NAV2: variants seen among roughly 807,000 people sequenced by gnomAD.
NAV2 encodes the protein neuron navigator 2.
Under a neutral mutation model 223.2 loss-of-function variants are expected in NAV2, and 54 were observed. That is an observed-to-expected ratio of 0.24 (90% CI 0.19 to 0.30). NAV2 has a LOEUF of 0.30. Among genes scored for constraint, NAV2 ranks in the 10% least tolerant of loss-of-function variants. The probability of loss-of-function intolerance (pLI) is 1.00; values close to 1 mark genes in which losing one functional copy is unlikely to be tolerated. For synonymous variants in NAV2, 1,279 were observed against 1,239.3 expected, an observed-to-expected ratio of 1.03 and a Z score of -0.67; for missense variants, 2,806 against 3,147.5, an observed-to-expected ratio of 0.89 and a Z score of 2.60.
intron 1 of NAV2, among the ~76,000 whole-genome samples, chr11:19,474,755 A>G (rs1324782647): frequency 6.6e-6 from 1 of 152,244 alleles, no homozygotes; most frequent in Non-Finnish European, 1.5e-5. Context: ...AGTCATCTCC[A>G]GAGAACCGAT....
chr11:19,783,430 A>G (rs898510382), intron 1 of NAV2, among the ~76,000 whole-genome samples: 1 of 152,088 alleles, frequency 6.6e-6, no homozygotes, highest in Non-Finnish European at 1.5e-5. Flanking sequence ...CCATCTCTCC[A>G]TGTTATCACC....
chr11:19,352,534 C>A (rs1456077824), intron 1 of NAV2, among the ~76,000 whole-genome samples: 1 of 152,184 alleles, frequency 6.6e-6, no homozygotes, highest in African/African-American at 2.4e-5. Flanking sequence ...TAGAATATAA[C>A]CCCAAGTGAG....
At position 20,077,982 on chromosome 11, in the gene NAV2, C is replaced by G; in HGVS notation, c.5068-11C>G. On this transcript the variant is annotated splice_polypyrimidine_tract_variant and intron_variant, in intron 23 of 37. Transcript: ENST00000349880. The stretch of plus-strand genomic sequence containing the variant: ...ATTTTAGGCTGACCAATAATTTTTT[C>G]TGTTCCCTAGGACTCAGAACTGAAT... 6.2e-7 allele frequency: 1 copy of G among 1,601,968 alleles called. No homozygotes were observed. The highest frequency in any genetic ancestry group is 2.2e-5 in the East Asian group (1 of 44,750).
chr11:19,648,359 C>T (rs951838104), intron 1 of NAV2, among the ~76,000 whole-genome samples: 2 of 152,200 alleles, frequency 1.3e-5, no homozygotes, highest in African/African-American at 4.8e-5. Context: ...AACTTGACAT[C>T]AGCCATGATG....
At chr11:19,779,430 G>T (rs2056565028) in intron 1 of NAV2, among the ~76,000 whole-genome samples, 1 of 152,064 alleles carries the variant, frequency 6.6e-6, no homozygotes, top group African/African-American at 2.4e-5. Context: ...ATCATTAGCT[G>T]AAGTATCATT....
chr11:20,036,667 A>T (rs907627599), intron 12 of NAV2, among the ~76,000 whole-genome samples: 1 of 152,166 alleles, frequency 6.6e-6, no homozygotes, highest in African/African-American at 2.4e-5. Flanking sequence ...AATTTTTAGA[A>T]TTATATTATT....
intron 1 of NAV2, among the ~76,000 whole-genome samples, chr11:19,590,310 A>C (rs957233516): frequency 6.6e-6 from 1 of 152,130 alleles, no homozygotes; most frequent in Non-Finnish European, 1.5e-5. Context: ...AAACCTTGGA[A>C]TCTTTCTCCT....
intron 11 of NAV2, among the ~76,000 whole-genome samples, chr11:20,024,468 T>G (rs1205965683): frequency 6.6e-6 from 1 of 151,552 alleles, no homozygotes; most frequent in Non-Finnish European, 1.5e-5. Flanking sequence ...CTTAAGACGC[T>G]GAATGTATGG....
rs78607542 is a variant in NAV2, at chr11:19,962,010, A to G, written c.2645+12930A>G. Among the ~76,000 whole-genome samples, 740 of 151,772 alleles carry G rather than the reference A, an allele frequency of 4.9e-3. 12 individuals carry two copies. Among genetic ancestry groups the G allele is most frequent in the South Asian group, 0.035 (167 of 4,790 alleles). On this transcript the variant is annotated intron_variant, in intron 10 of 37. Transcript: ENST00000349880. ...CATGTGTAGAGGAATTGGTCATGTCATTGAGCAAGTCCAAAATCTTCAGAT... is the reference window on the plus strand; with the variant it reads ...CATGTGTAGAGGAATTGGTCATGTCGTTGAGCAAGTCCAAAATCTTCAGAT...
At chr11:19,639,789 C>T (rs1341651055) in intron 1 of NAV2, among the ~76,000 whole-genome samples, 1 of 152,136 alleles carries the variant, frequency 6.6e-6, no homozygotes, top group Non-Finnish European at 1.5e-5. Flanking sequence ...GGAGCGTTCT[C>T]CCACCGCTAC....
At chr11:19,592,939 G>T in intron 1 of NAV2, among the ~76,000 whole-genome samples, 1 of 152,126 alleles carries the variant, frequency 6.6e-6, no homozygotes, top group East Asian at 1.9e-4. Flanking sequence ...CTTTCACCTG[G>T]TTTTCTCCAA....
intron 1 of NAV2, among the ~76,000 whole-genome samples, chr11:19,649,813 A>T (rs2047916926): frequency 4.6e-5 from 7 of 152,252 alleles, no homozygotes; most frequent in Admixed American, 4.6e-4. Flanking sequence ...AAGACATATG[A>T]ATGGTAAATA....
At position 19,989,595 on chromosome 11, in the gene NAV2, C is replaced by T. The variant is rs531602764; in HGVS notation, c.2768+5348C>T. Among the ~76,000 whole-genome samples, 36 of 152,198 alleles carry T rather than the reference C, an allele frequency of 2.4e-4. No individual in the cohort carries two copies. In the Middle Eastern group the frequency reaches 0.01, roughly 43 times the overall value. On this transcript the variant is annotated intron_variant, in intron 11 of 37. Transcript: ENST00000349880. ...ATAAACTTATGTCAGCAATAGAAAA[C>T]GAATATAAACTTATATCAGAAGGTA...
intron 1 of NAV2, among the ~76,000 whole-genome samples, chr11:19,423,269 T>A (rs1334424243): frequency 6.6e-6 from 1 of 152,248 alleles, no homozygotes; most frequent in East Asian, 1.9e-4. Context: ...GTTGTATAGA[T>A]TAAATGAGCT....
chr11:19,536,837 C>T (rs2044204135), intron 1 of NAV2, among the ~76,000 whole-genome samples: 1 of 152,160 alleles, frequency 6.6e-6, no homozygotes, highest in Non-Finnish European at 1.5e-5. Flanking sequence ...TCTTACCATT[C>T]CCAAAAGCCC....
intron 1 of NAV2, chr11:19,507,146 T>C (rs2043146022): frequency 6.6e-6 from 1 of 152,254 alleles, no homozygotes; most frequent in Non-Finnish European, 1.5e-5. Flanking sequence ...TGAAAATACC[T>C]CTACCTGAAT....
chr11:19,457,382 G>T (rs1374244244), intron 1 of NAV2, among the ~76,000 whole-genome samples: 1 of 152,178 alleles, frequency 6.6e-6, no homozygotes, highest in Non-Finnish European at 1.5e-5. Flanking sequence ...CTCGGGACCT[G>T]AATGTAACGC....
At chr11:20,063,035 CCTACCTTATAGA>C (rs1297547521) in intron 20 of NAV2, among the ~76,000 whole-genome samples, 1 of 152,148 alleles carries the variant, frequency 6.6e-6, no homozygotes, top group Non-Finnish European at 1.5e-5. Flanking sequence ...AATAGCAGTT[CCTACCTTATAGA>C]GGTGTAATGA....
intron 1 of NAV2, among the ~76,000 whole-genome samples, chr11:19,718,719 C>T (rs974174782): frequency 6.6e-6 from 1 of 152,138 alleles, no homozygotes; most frequent in African/African-American, 2.4e-5. Flanking sequence ...CATATTATTG[C>T]TTACTCCATG....
Sources: allele counts gnomAD v4.1 joint callset (sites outside exome capture counted in the v4.1 genomes callset), GRCh38; gene constraint gnomAD v4.1.1; transcripts MANE v1.5; gene names NCBI Gene and HGNC (gene_info 2026-07-23, HGNC 2026-07-21).